LRRTM4: variants seen among roughly 807,000 people sequenced by gnomAD.
LRRTM4 encodes the protein leucine rich repeat transmembrane neuronal 4.
In LRRTM4, 25 loss-of-function variants were observed where a neutral mutation model predicts 47.6. The observed-to-expected ratio is 0.53, with a 90% confidence interval of 0.38 to 0.73. LRRTM4 has a LOEUF of 0.73. Ranked by LOEUF, LRRTM4 falls within the 30% of genes least tolerant of loss-of-function variation. The pLI, the probability that LRRTM4 is intolerant of heterozygous loss-of-function variation, is 0.00. For synonymous variants in LRRTM4, 311 were observed against 269.5 expected, an observed-to-expected ratio of 1.15 and a Z score of -1.51; for missense variants, 638 against 713.4, an observed-to-expected ratio of 0.89 and a Z score of 1.20.
At chr2:77,505,173 A>C (rs1360781861) in intron 3 of LRRTM4, among the ~76,000 whole-genome samples, 2 of 151,284 alleles carry the variant, frequency 1.3e-5, no homozygotes, top group Non-Finnish European at 3.0e-5. Context: ...AACAACCATA[A>C]TTTATTCCAG....
At position 76,841,210 on chromosome 2, in the gene LRRTM4, G is replaced by A. The variant is rs567300662; in HGVS notation, c.1552-92294C>T. On this transcript the variant is annotated intron_variant, in intron 3 of 3. Coordinates refer to ENST00000409884, the MANE Select transcript of LRRTM4 (RefSeq NM_001134745.3). The stretch of plus-strand genomic sequence containing the variant: ...AAACACTGCATGTTCTCACTCATAG[G>A]TGGGAATTGAACAATGAGAACACAT... Among the ~76,000 whole-genome samples, 314 of 151,442 alleles carry A rather than the reference G, an allele frequency of 2.1e-3. 1 individual carries two copies. Among genetic ancestry groups the A allele is most frequent in the African/African-American group, 7.2e-3 (296 of 41,168 alleles).
At chr2:76,786,641 A>G (rs1277694532) in intron 3 of LRRTM4, among the ~76,000 whole-genome samples, 1 of 152,122 alleles carries the variant, frequency 6.6e-6, no homozygotes, top group Non-Finnish European at 1.5e-5. Context: ...TTTTAAAAAT[A>G]TCTGTGGGAG....
chr2:76,978,283 C>T (rs1676484850), intron 3 of LRRTM4, among the ~76,000 whole-genome samples: 2 of 151,956 alleles, frequency 1.3e-5, no homozygotes, highest in Non-Finnish European at 2.9e-5. Context: ...AGGCATTTCC[C>T]CCAGATTCCA....
intron 3 of LRRTM4, among the ~76,000 whole-genome samples, chr2:77,289,541 C>G (rs1676761538): frequency 6.6e-6 from 1 of 151,914 alleles, no homozygotes; most frequent in South Asian, 2.1e-4. Flanking sequence ...GTTATTTTAT[C>G]TCATGCCAAT....
intron 3 of LRRTM4, among the ~76,000 whole-genome samples, chr2:77,394,922 G>A (rs570307036): frequency 3.3e-5 from 5 of 151,878 alleles, no homozygotes; most frequent in Non-Finnish European, 1.5e-5. Flanking sequence ...TGTGGAACAG[G>A]GGGTGGAGGG....
intron 3 of LRRTM4, among the ~76,000 whole-genome samples, chr2:77,328,789 C>A (rs1670869874): frequency 1.3e-5 from 2 of 152,120 alleles, no homozygotes; most frequent in Admixed American, 1.3e-4. Flanking sequence ...GCACTATAGG[C>A]ACATAAATTG....
chr2:76,797,232 T>A (rs569999811), intron 3 of LRRTM4, among the ~76,000 whole-genome samples: 2 of 152,016 alleles, frequency 1.3e-5, no homozygotes, highest in South Asian at 2.1e-4. Flanking sequence ...CGGGTTACCC[T>A]CAAAGGGAAG....
chr2:77,465,207 T>C (rs1247130567), intron 3 of LRRTM4, among the ~76,000 whole-genome samples: 3 of 152,130 alleles, frequency 2.0e-5, no homozygotes, highest in African/African-American at 7.2e-5. Flanking sequence ...ATATATAGTA[T>C]CTATCTATTA....
intron 3 of LRRTM4, among the ~76,000 whole-genome samples, chr2:76,897,482 G>C (rs905649173): frequency 2.6e-5 from 4 of 152,040 alleles, no homozygotes; most frequent in Non-Finnish European, 5.9e-5. Context: ...TGCTATATAA[G>C]TGTATAATGT....
intron 3 of LRRTM4, among the ~76,000 whole-genome samples, chr2:76,932,169 C>G (rs1204891416): frequency 6.6e-6 from 1 of 152,008 alleles, no homozygotes; most frequent in Non-Finnish European, 1.5e-5. Flanking sequence ...AGCATCATAT[C>G]CAGATGTGAT....
chr2:77,463,844 G>A (rs1433995619), intron 3 of LRRTM4, among the ~76,000 whole-genome samples: 2 of 152,094 alleles, frequency 1.3e-5, no homozygotes, highest in South Asian at 2.1e-4. Flanking sequence ...CATGGCGGGT[G>A]GCAGTGTACA....
intron 3 of LRRTM4, among the ~76,000 whole-genome samples, chr2:77,214,827 ATGTTCTGGTGTT>A: frequency 6.6e-6 from 1 of 152,142 alleles, no homozygotes; most frequent in South Asian, 2.1e-4. Flanking sequence ...AATTAAACAG[ATGTTCTGGTGTT>A]TGGTATCCTA....
At chr2:77,510,364 C>T (rs1678937419) in intron 3 of LRRTM4, among the ~76,000 whole-genome samples, 1 of 152,008 alleles carries the variant, frequency 6.6e-6, no homozygotes, top group Non-Finnish European at 1.5e-5. Context: ...AATTGAAATG[C>T]AAATATAGAA....
intron 3 of LRRTM4, among the ~76,000 whole-genome samples, chr2:77,124,910 C>T (rs559041823): frequency 6.6e-6 from 1 of 152,182 alleles, no homozygotes; most frequent in East Asian, 1.9e-4. Context: ...CTTCAGGAAA[C>T]AGGAATAAGC....
At chr2:77,271,826 C>G (rs1676206961) in intron 3 of LRRTM4, among the ~76,000 whole-genome samples, 1 of 152,174 alleles carries the variant, frequency 6.6e-6, no homozygotes, top group Non-Finnish European at 1.5e-5. Context: ...TAGCAGATTT[C>G]TTGTTCATTC....
intron 3 of LRRTM4, among the ~76,000 whole-genome samples, chr2:77,483,233 G>C (rs1425286456): frequency 6.7e-6 from 1 of 149,042 alleles, no homozygotes; most frequent in Non-Finnish European, 1.5e-5. Context: ...TGTAAGATAA[G>C]TAACTTTTTC....
intron 3 of LRRTM4, among the ~76,000 whole-genome samples, chr2:77,337,727 A>G (rs1671218371): frequency 2.0e-5 from 3 of 152,072 alleles, no homozygotes; most frequent in African/African-American, 7.2e-5. Context: ...TTGCCTTTAT[A>G]CATTACCCAG....
intron 3 of LRRTM4, among the ~76,000 whole-genome samples, chr2:77,026,418 T>C (rs1244149865): frequency 1.3e-5 from 2 of 152,120 alleles, no homozygotes; most frequent in Admixed American, 1.3e-4. Flanking sequence ...TGCTTGGTTT[T>C]TAACCCACAG....
intron 3 of LRRTM4, among the ~76,000 whole-genome samples, chr2:77,263,109 A>G (rs947632672): frequency 5.3e-5 from 8 of 152,082 alleles, no homozygotes; most frequent in Non-Finnish European, 7.4e-5. Context: ...TTAATCAATC[A>G]TACCTAAGTA....
Sources: gnomAD v4.1 joint callset for allele counts (sites outside exome capture counted in the v4.1 genomes callset) on GRCh38, gnomAD v4.1.1 for gene constraint, MANE v1.5 for transcripts, NCBI Gene and HGNC (gene_info 2026-07-23, HGNC 2026-07-21) for gene names.